Variants in ODF2 observed in about 807,000 individuals in gnomAD.
ODF2 encodes the protein outer dense fiber of sperm tails 2, also known as outer dense fiber protein 2.
ODF2 carries 47 observed loss-of-function variants against 110.2 expected under a neutral mutation model. The ratio of observed to expected loss-of-function variants is 0.43; its 90% CI spans 0.34 to 0.54. The LOEUF (loss-of-function observed/expected upper bound fraction) is 0.54, where lower values mean the gene tolerates loss of function less well. ODF2 is among the 20% of genes least tolerant of loss of function. The pLI is 0.03. For missense variants in ODF2, 812 were observed against 1,054.5 expected, an observed-to-expected ratio of 0.77 and a Z score of 3.19; for synonymous variants, 352 against 397.7, an observed-to-expected ratio of 0.89 and a Z score of 1.37.
chr9:128,460,953 G>A, exon 4 of ODF2: 1 of 1,614,178 alleles, frequency 6.2e-7, no homozygotes, highest in South Asian at 1.1e-5. Flanking sequence ...AATCTCACAA[G>A]CGAGGAATGA....
At chr9:128,458,987 GAC>G (rs1490170593) in intron 2 of ODF2, among the ~76,000 whole-genome samples, 13 of 152,156 alleles carry the variant, frequency 8.5e-5, no homozygotes, top group Admixed American at 7.9e-4. Flanking sequence ...TGGGACTACA[GAC>G]ACACGCCACC....
At chr9:128,477,282 C>T (rs1265271642) in intron 8 of ODF2, among the ~76,000 whole-genome samples, 2 of 151,414 alleles carry the variant, frequency 1.3e-5, no homozygotes, top group Non-Finnish European at 2.9e-5. Context: ...AGTGTGGTGG[C>T]TCACGCCTGT....
intron 8 of ODF2, among the ~76,000 whole-genome samples, chr9:128,478,387 C>T (rs1841769216): frequency 6.6e-6 from 1 of 152,108 alleles, no homozygotes; most frequent in South Asian, 2.1e-4. Context: ...TGCCTGAGCT[C>T]AGGAATTTGA....
intron 8 of ODF2, 111 bp downstream of exon 8, chr9:128,473,852 T>G (rs1840633295): frequency 2.1e-6 from 2 of 949,706 alleles, no homozygotes; most frequent in African/African-American, 3.3e-5. Context: ...TGAGAGGTCC[T>G]TAGAGAGATG....
At chr9:128,493,830 T>G (rs1235983556) in intron 16 of ODF2, among the ~76,000 whole-genome samples, 3 of 152,214 alleles carry the variant, frequency 2.0e-5, no homozygotes, top group Admixed American at 6.5e-5. Flanking sequence ...AGTCTTGCTG[T>G]GTCACCCAGG....
At chr9:128,498,575 G>A in exon 19 of ODF2, 2 of 1,518,878 alleles carry the variant, frequency 1.3e-6, no homozygotes, top group Non-Finnish European at 9.0e-7. Context: ...CGAGGAGGCA[G>A]GTCAGTCCCG....
chr9:128,455,228 G>A (rs771736380), upstream of ODF2: 5 of 1,535,412 alleles, frequency 3.3e-6, no homozygotes, highest in Admixed American at 3.9e-5. Context: ...CATCAGAATA[G>A]GTCTGTACAC....
chr9:128,471,296 C>G lies in ODF2; in HGVS notation c.421-12C>G, dbSNP rs371896508. 1.1e-5 allele frequency: 18 copies of G among 1,592,146 alleles called. No homozygotes were observed. The Middle Eastern group carries it at 1.0e-3, about 89-fold the overall frequency. ...TCCCTTCAGTGGCCCCTGCCTGGGT[C>G]CCCCTGCTCAGGTCAAGATGCAAAA... On this transcript the variant is annotated splice_polypyrimidine_tract_variant and intron_variant, in intron 5 of 20. Coordinates refer to ENST00000604420, the Ensembl canonical transcript of ODF2.
intron 20 of ODF2, among the ~76,000 whole-genome samples, chr9:128,499,753 G>A (rs1846249469): frequency 6.6e-6 from 1 of 152,142 alleles, no homozygotes; most frequent in Non-Finnish European, 1.5e-5. Flanking sequence ...AGGACTACAG[G>A]CGCACACCAT....
chr9:128,460,924 G>A lies in ODF2; in HGVS notation c.124-18G>A. ...CAGCTGGGTGTGGAAGTGACCCTGG[G>A]TTTGTCCCTTTCCACAGAAATCTCA... On this transcript the variant is annotated intron_variant, in intron 3 of 20. Coordinates refer to ENST00000604420, the Ensembl canonical transcript of ODF2. 1 of 1,614,160 alleles carries A rather than the reference G, an allele frequency of 6.2e-7. No individual in the cohort carries two copies.
chr9:128,456,395 C>T, intron 1 of ODF2, 140 bp downstream of exon 1: 1 of 1,445,710 alleles, frequency 6.9e-7, no homozygotes, highest in Non-Finnish European at 9.0e-7. Flanking sequence ...CGTCCCCCTC[C>T]TGTCAGAACC....
Position 128,456,173 on chromosome 9 carries a change from C to T in ODF2, c.-291C>T, listed in dbSNP as rs752242399. 2.0e-5 allele frequency: 31 copies of T among 1,549,156 alleles called. No individual in the cohort carries two copies. The African/African-American group carries it at 2.2e-4, about 11-fold the overall frequency. On this transcript the variant is annotated 5_prime_UTR_variant, in exon 1 of 21. Transcript: ENST00000604420. ...TGCCAGAGCCAGACTGCATCCGCCG[C>T]GGCGTCTCCATGGCACGACCCTGGC... is the stretch of plus-strand genomic sequence containing the variant.
chr9:128,469,013 C>T (rs1839032238), intron 4 of ODF2, 170 bp from the exon 5 acceptor site: 4 of 571,808 alleles, frequency 7.0e-6, no homozygotes, highest in Non-Finnish European at 1.2e-5. Context: ...ATCATTTAAA[C>T]ATGGATAGGT....
intron 8 of ODF2, among the ~76,000 whole-genome samples, chr9:128,479,322 A>C (rs192009944): frequency 1.5e-3 from 228 of 152,340 alleles, no homozygotes; most frequent in Non-Finnish European, 2.2e-3. Flanking sequence ...ACAAAGACAT[A>C]GCCCAGTGAG....
Position 128,494,921 on chromosome 9 carries a change from C to G in ODF2, c.1911+253C>G. On this transcript the variant is annotated intron_variant, in intron 17 of 20. Coordinates refer to ENST00000604420, the Ensembl canonical transcript of ODF2. This position sits in a 1 kb window ranked among gnomAD's most constrained non-coding sequence, Gnocchi z 4.6. ...TGGGCCCTCCTGCTGTTGCCCCCACCCAAGACTGCTGCCTCTGCCTGTGTG... is the reference window on the plus strand; with the variant it reads ...TGGGCCCTCCTGCTGTTGCCCCCACGCAAGACTGCTGCCTCTGCCTGTGTG... 8.3e-7 allele frequency: 1 copy of G among 1,211,460 alleles called. No homozygotes were observed. Among genetic ancestry groups the G allele is most frequent in the Non-Finnish European group, 1.1e-6 (1 of 894,652 alleles). 75.0% of individuals were successfully genotyped at this position (1,211,460 alleles called of 1,614,324 possible). A position where few individuals can be genotyped will look rare whatever the true frequency, so the allele number is the denominator to read the frequency against.
chr9:128,464,568 C>T (rs13295988), intron 4 of ODF2, among the ~76,000 whole-genome samples: 97,703 of 151,770 alleles, frequency 0.64, 34,117 homozygotes, highest in Non-Finnish European at 0.79. Context: ...GGCATGATCT[C>T]GGCTCACTGC....
chr9:128,495,986 G>A, intron 17 of ODF2, 55 bp from the exon 18 acceptor site: 2 of 1,603,220 alleles, frequency 1.2e-6, no homozygotes, highest in Non-Finnish European at 1.7e-6. Context: ...AGGGAAAGGG[G>A]AGGGCTCTAG....
At chr9:128,458,173 A>T (rs937956574) in intron 2 of ODF2, among the ~76,000 whole-genome samples, 1 of 152,032 alleles carries the variant, frequency 6.6e-6, no homozygotes, top group African/African-American at 2.4e-5. Flanking sequence ...TTGGGGGGCC[A>T]GGTGCGGTGG....
chr9:128,455,878 C>T, upstream of ODF2: 1 of 1,144,764 alleles, frequency 8.7e-7, no homozygotes, highest in Non-Finnish European at 1.2e-6. Flanking sequence ...CCGGGAGGAT[C>T]CAAGGCAGGG....
Sources: allele counts gnomAD v4.1 joint callset (sites outside exome capture counted in the v4.1 genomes callset), GRCh38; gene constraint gnomAD v4.1.1; non-coding constraint Gnocchi (gnomAD v3.1); transcripts MANE v1.5; gene names NCBI Gene and HGNC (gene_info 2026-07-23, HGNC 2026-07-21).